RCBTB1: variants seen among roughly 807,000 people sequenced by gnomAD.
The protein encoded by RCBTB1 is RCC1 and BTB domain containing protein 1.
Under a neutral mutation model 62.4 loss-of-function variants are expected in RCBTB1, and 46 were observed. That is an observed-to-expected ratio of 0.74 (90% confidence interval 0.58 to 0.94). The LOEUF (loss-of-function observed/expected upper bound fraction) is 0.94, where lower values mean the gene tolerates loss of function less well. RCBTB1 is among the 40% of genes least tolerant of loss of function. The pLI, the probability that RCBTB1 is intolerant of heterozygous loss-of-function variation, is 0.00. For synonymous variants in RCBTB1, 222 were observed against 245.8 expected, an observed-to-expected ratio of 0.90 and a Z score of 0.91; for missense variants, 565 against 654.9, an observed-to-expected ratio of 0.86 and a Z score of 1.50.
chr13:49,541,920 C>T, intron 10 of RCBTB1, 93 bp from the exon 11 acceptor site: 1 of 1,402,198 alleles, frequency 7.1e-7, no homozygotes, highest in South Asian at 1.4e-5. Context: ...ATCAGATAAA[C>T]AGAAGTATCC....
At chr13:49,539,086 T>C (rs7327411) in intron 12 of RCBTB1, among the ~76,000 whole-genome samples, 10,177 of 152,022 alleles carry the variant, frequency 0.067, 1,134 homozygotes, top group African/African-American at 0.23. Context: ...GCCAGGCTGG[T>C]CTCAAACTCC....
chr13:49,544,935 G>T, intron 9 of RCBTB1, 72 bp from the exon 10 acceptor site: 6 of 1,223,554 alleles, frequency 4.9e-6, no homozygotes, highest in Admixed American at 2.1e-5. Context: ...ACTTCAAAAA[G>T]ATCATCATGA....
At chr13:49,566,553 C>G in intron 4 of RCBTB1, 65 bp downstream of exon 4, 1 of 1,502,684 alleles carries the variant, frequency 6.7e-7, no homozygotes, top group Non-Finnish European at 9.1e-7. Context: ...CCCTATCTCC[C>G]CTAAGCTTAG....
intron 9 of RCBTB1, among the ~76,000 whole-genome samples, chr13:49,545,485 C>T (rs1184377789): frequency 6.6e-6 from 1 of 152,118 alleles, no homozygotes; most frequent in African/African-American, 2.4e-5. Context: ...ATGAAGGGAA[C>T]AGTTTTATAA....
At chr13:49,575,982 C>G (rs961369247) in intron 2 of RCBTB1, among the ~76,000 whole-genome samples, 3 of 151,924 alleles carry the variant, frequency 2.0e-5, no homozygotes, top group African/African-American at 7.3e-5. Flanking sequence ...GGTCAGAGAT[C>G]GAGACCATCC....
intron 2 of RCBTB1, among the ~76,000 whole-genome samples, chr13:49,573,448 CTTT>C (rs66529613): frequency 3.1e-5 from 4 of 130,090 alleles, no homozygotes; most frequent in Admixed American, 8.1e-5. Flanking sequence ...AATTCCTCAT[CTTT>C]TTTTTTTTTT....
chr13:49,563,453 G>C (rs1484586791), intron 4 of RCBTB1, among the ~76,000 whole-genome samples: 1 of 151,502 alleles, frequency 6.6e-6, no homozygotes, highest in East Asian at 1.9e-4. Context: ...ACCTGAGGTC[G>C]GGAGTTCAAG....
At chr13:49,538,251 C>T (rs1960078364) in intron 12 of RCBTB1, among the ~76,000 whole-genome samples, 1 of 152,164 alleles carries the variant, frequency 6.6e-6, no homozygotes, top group South Asian at 2.1e-4. Context: ...ACTTCAGCAT[C>T]CTGAGTAGCT....
chr13:49,567,234 G>A lies in RCBTB1; in HGVS notation c.46C>T (p.Gln16Ter). 6.2e-7 allele frequency: 1 copy of A among 1,614,008 alleles called. No homozygotes were observed. Among genetic ancestry groups the A allele is most frequent in the Non-Finnish European group, 8.5e-7 (1 of 1,179,936 alleles). The change falls in exon 3 of 13, where the codon CAA becomes TAA. Residue 16 changes from glutamine to a stop codon, truncating the protein, a stop_gained. Transcript: ENST00000378302. LOFTEE classifies it high-confidence loss of function. ...KWPIFTLLSP[Q>*]EIASIRKACV... ...GCCTTCCGAATAGACGCGATCTCTT[G>A]AGGGGAGAGTAGAGTGAAGATGGGC...
chr13:49,542,795 G>A (rs1334145020), intron 10 of RCBTB1, among the ~76,000 whole-genome samples: 1 of 151,810 alleles, frequency 6.6e-6, no homozygotes, highest in African/African-American at 2.4e-5. Context: ...CACTAGGATA[G>A]TCAGATATTT....
intron 9 of RCBTB1, among the ~76,000 whole-genome samples, chr13:49,547,965 G>A (rs1960955459): frequency 6.6e-6 from 1 of 152,108 alleles, no homozygotes; most frequent in African/African-American, 2.4e-5. Context: ...TTTTTGTAGA[G>A]ATGGGGTTTC....
intron 4 of RCBTB1, 109 bp from the exon 5 acceptor site, chr13:49,560,193 A>C (rs1962323962): frequency 2.6e-6 from 3 of 1,176,196 alleles, no homozygotes; most frequent in African/African-American, 1.5e-5. Flanking sequence ...TTTCTCTCCC[A>C]TTGCCCCCTC....
chr13:49,579,510 G>C (rs1963971493), intron 2 of RCBTB1, among the ~76,000 whole-genome samples: 1 of 152,030 alleles, frequency 6.6e-6, no homozygotes, highest in South Asian at 2.1e-4. Context: ...TGTAGTCCCA[G>C]CTACTCTGGA....
At chr13:49,551,087 A>G (rs977928764) in intron 8 of RCBTB1, 36 of 454,424 alleles carry the variant, frequency 7.9e-5, no homozygotes, top group African/African-American at 7.9e-4. Context: ...TGGGTGACAG[A>G]GACTCTGTCT....
At chr13:49,581,293 A>T (rs1316807670) in intron 1 of RCBTB1, among the ~76,000 whole-genome samples, 1 of 152,188 alleles carries the variant, frequency 6.6e-6, no homozygotes, top group Admixed American at 6.5e-5. Flanking sequence ...AAATTGAACA[A>T]GAAGGAAAAT....
intron 10 of RCBTB1, among the ~76,000 whole-genome samples, chr13:49,542,043 C>T (rs1960407124): frequency 6.6e-6 from 1 of 151,936 alleles, no homozygotes; most frequent in South Asian, 2.1e-4. Flanking sequence ...GGATAAACCC[C>T]GTCTCTACTA....
At chr13:49,568,037 G>C (rs1266086525) in intron 2 of RCBTB1, among the ~76,000 whole-genome samples, 1 of 152,164 alleles carries the variant, frequency 6.6e-6, no homozygotes, top group Non-Finnish European at 1.5e-5. Flanking sequence ...ATCCCTCCCT[G>C]ACCCTCTCCT....
At chr13:49,552,516 T>C (rs1429547036) in intron 6 of RCBTB1, among the ~76,000 whole-genome samples, 1 of 152,170 alleles carries the variant, frequency 6.6e-6, no homozygotes, top group Non-Finnish European at 1.5e-5. Context: ...AAGTCACTCT[T>C]TCCTGTTTAA....
intron 8 of RCBTB1, 112 bp downstream of exon 8, chr13:49,551,214 T>G: frequency 2.4e-6 from 3 of 1,269,378 alleles, no homozygotes; most frequent in Non-Finnish European, 2.2e-6. Context: ...TTGTCCAAAA[T>G]GAGAATGTTA....
Sources: allele counts gnomAD v4.1 joint callset (sites outside exome capture counted in the v4.1 genomes callset), GRCh38; gene constraint gnomAD v4.1.1; transcripts MANE v1.5; gene names NCBI Gene and HGNC (gene_info 2026-07-23, HGNC 2026-07-21).